The following LSAMP variants were observed in gnomAD, a reference collection of about 807,000 sequenced individuals.
The protein encoded by LSAMP is limbic system associated membrane protein, also known as limbic system-associated membrane protein.
LSAMP carries 7 observed loss-of-function variants against 38.6 expected under a neutral mutation model. That is an observed-to-expected ratio of 0.18 (90% CI 0.10 to 0.34). The LOEUF (loss-of-function observed/expected upper bound fraction) is 0.34, where lower values mean the gene tolerates loss of function less well. Ranked by LOEUF, LSAMP falls within the 10% of genes least tolerant of loss-of-function variation. LSAMP has a pLI of 1.00. For synonymous variants in LSAMP, 154 were observed against 166.8 expected (o/e 0.92, Z 0.59); for missense variants, 313 against 420.0 (o/e 0.75, Z 2.23).
At chr3:116,294,847 G>A (rs2107698208) in intron 1 of LSAMP, among the ~76,000 whole-genome samples, 1 of 152,246 alleles carries the variant, frequency 6.6e-6, no homozygotes, top group African/African-American at 2.4e-5. Context: ...AGTGAAGGAG[G>A]GTGACAGAGT....
chr3:116,443,906 C>CA (rs1225978564), intron 1 of LSAMP, among the ~76,000 whole-genome samples: 1 of 152,066 alleles, frequency 6.6e-6, no homozygotes, highest in Non-Finnish European at 1.5e-5. Flanking sequence ...AAGAGAAGCA[C>CA]AAAAAATAAC....
At chr3:115,833,161 C>T (rs944721656) in intron 6 of LSAMP, among the ~76,000 whole-genome samples, 5 of 151,942 alleles carry the variant, frequency 3.3e-5, no homozygotes, top group African/African-American at 1.2e-4. Context: ...TGCAAGAGGG[C>T]AACATGATAA....
At chr3:115,828,629 C>T (rs2918215) in intron 6 of LSAMP, among the ~76,000 whole-genome samples, 22,473 of 152,250 alleles carry the variant, frequency 0.15, 1,942 homozygotes, top group Admixed American at 0.28. Flanking sequence ...AGCATGCCAA[C>T]ATTTTCTGCT....
chr3:116,320,736 A>G (rs539169376), intron 1 of LSAMP, among the ~76,000 whole-genome samples: 3 of 152,220 alleles, frequency 2.0e-5, no homozygotes, highest in Admixed American at 2.0e-4. Flanking sequence ...CCCTCTCACC[A>G]TTTATAGCCC....
intron 1 of LSAMP, among the ~76,000 whole-genome samples, chr3:116,236,231 A>C (rs2046464585): frequency 6.6e-6 from 1 of 152,122 alleles, no homozygotes; most frequent in Non-Finnish European, 1.5e-5. Context: ...TGTTTTTAAA[A>C]TATTGTTAAT....
chr3:116,321,893 A>G (rs72950140), intron 1 of LSAMP, among the ~76,000 whole-genome samples: 6,202 of 152,222 alleles, frequency 0.041, 434 homozygotes, highest in African/African-American at 0.14. Context: ...CCTTTCTAAT[A>G]GTTATTCCCC....
chr3:116,384,495 T>G (rs537043010), intron 1 of LSAMP, among the ~76,000 whole-genome samples: 2 of 152,148 alleles, frequency 1.3e-5, no homozygotes, highest in Non-Finnish European at 2.9e-5. Context: ...GCTCACAGAG[T>G]GAGTCTGCAG....
intron 6 of LSAMP, among the ~76,000 whole-genome samples, chr3:115,826,919 A>G (rs1285760186): frequency 6.6e-6 from 1 of 151,774 alleles, no homozygotes; most frequent in Non-Finnish European, 1.5e-5. Flanking sequence ...TGATCTCCCA[A>G]CGGAAGACCA....
At position 115,828,345 on chromosome 3, in the gene LSAMP, GT is replaced by G. The variant is rs201770163; in HGVS notation, c.919+13499del. On this transcript the variant is annotated intron_variant, in intron 6 of 6. Transcript: ENST00000490035. ...AGAGTTTTTTTTGCTGTTGTTTTTT[GT>G]TTGTTTGTTTATTTGTTTCCTCTAT... is the stretch of plus-strand genomic sequence containing the variant. 8.1e-3 allele frequency among the ~76,000 whole-genome samples: 1,216 copies of G among 150,648 alleles called. 8 individuals are homozygous for G. Among genetic ancestry groups the G allele is most frequent in the Non-Finnish European group, 0.012 (796 of 67,108 alleles).
chr3:116,019,563 T>C lies in LSAMP; in HGVS notation c.466A>G (p.Asn156Asp), dbSNP rs776532443. 18 of 1,612,908 alleles carry C rather than the reference T, an allele frequency of 1.1e-5. No individual in the cohort carries two copies. Among genetic ancestry groups the C allele is most frequent in the Non-Finnish European group, 1.5e-5 (18 of 1,179,168 alleles). Residue 156 changes from asparagine (N) to aspartate (D), a missense_variant, in exon 3 of 7, where the codon AAT becomes GAT. Transcript: ENST00000490035. The stretch of plus-strand genomic sequence containing the variant: ...GTGATAACAGGTTCAGGACGGCCAT[T>C]GGCCATGCAGACCAGAGTCACGTTG... ...GSNVTLVCMANGRPEPVITWR... is the reference protein window; with the variant it reads ...GSNVTLVCMADGRPEPVITWR...
intron 1 of LSAMP, among the ~76,000 whole-genome samples, chr3:116,209,240 G>T (rs930504254): frequency 6.6e-6 from 1 of 152,192 alleles, no homozygotes; most frequent in Non-Finnish European, 1.5e-5. Flanking sequence ...GTGAGGCAAT[G>T]CCTCGCCCTG....
At chr3:116,209,665 G>A (rs1372539158) in intron 1 of LSAMP, among the ~76,000 whole-genome samples, 2 of 152,136 alleles carry the variant, frequency 1.3e-5, no homozygotes, top group Admixed American at 6.5e-5. Context: ...AACGCAAACA[G>A]TGATCAATGA....
At chr3:115,964,310 GATGATTA>G (rs988590779) in intron 3 of LSAMP, among the ~76,000 whole-genome samples, 2 of 152,256 alleles carry the variant, frequency 1.3e-5, no homozygotes, top group African/African-American at 4.8e-5. Flanking sequence ...CTTTGGGCAT[GATGATTA>G]ATCAATTAAT....
At chr3:116,423,583 G>A (rs1463619476) in intron 1 of LSAMP, among the ~76,000 whole-genome samples, 1 of 152,110 alleles carries the variant, frequency 6.6e-6, no homozygotes, top group African/African-American at 2.4e-5. Context: ...AAGGCATCAG[G>A]ACAAAGAAGC....
chr3:116,248,280 G>A (rs2046629020), intron 1 of LSAMP, among the ~76,000 whole-genome samples: 1 of 152,168 alleles, frequency 6.6e-6, no homozygotes, highest in Non-Finnish European at 1.5e-5. Flanking sequence ...TGAAGGATGA[G>A]TAGGATTTTA....
At chr3:116,317,650 C>T (rs757330599) in intron 1 of LSAMP, among the ~76,000 whole-genome samples, 10 of 151,860 alleles carry the variant, frequency 6.6e-5, no homozygotes, top group South Asian at 2.1e-4. Flanking sequence ...CCCCCGCGCC[C>T]GGCCCCAAAG....
At chr3:116,380,665 A>G (rs2107801029) in intron 1 of LSAMP, among the ~76,000 whole-genome samples, 1 of 152,230 alleles carries the variant, frequency 6.6e-6, no homozygotes, top group African/African-American at 2.4e-5. Context: ...CACTATATAA[A>G]GAGCTCTATA....
intron 1 of LSAMP, among the ~76,000 whole-genome samples, chr3:116,220,088 C>A (rs140855845): frequency 0.012 from 1,868 of 151,756 alleles, 38 homozygotes; most frequent in African/African-American, 0.041. Context: ...TGAGGCTGAG[C>A]CAGGAGATCA....
chr3:115,985,343 A>G (rs527594566), intron 3 of LSAMP, among the ~76,000 whole-genome samples: 3 of 152,214 alleles, frequency 2.0e-5, no homozygotes, highest in Non-Finnish European at 4.4e-5. Context: ...TAGATACATG[A>G]TCTATGATAT....
Sources: allele counts gnomAD v4.1 joint callset (sites outside exome capture counted in the v4.1 genomes callset), GRCh38; gene constraint gnomAD v4.1.1; transcripts MANE v1.5; gene names NCBI Gene and HGNC (gene_info 2026-07-23, HGNC 2026-07-21).